Variants in DCAF1 observed in about 807,000 individuals in gnomAD.
The protein encoded by DCAF1 is DDB1- and CUL4-associated factor 1.
Under a neutral mutation model 128.0 loss-of-function variants are expected in DCAF1, and 15 were observed. The ratio of observed to expected loss-of-function variants is 0.12; its 90% CI spans 0.08 to 0.18. DCAF1 has a LOEUF of 0.18. Ranked by LOEUF, DCAF1 falls within the 10% of genes least tolerant of loss-of-function variation. The pLI, the probability that DCAF1 is intolerant of heterozygous loss-of-function variation, is 1.00. For synonymous variants in DCAF1, 610 were observed against 603.0 expected (o/e 1.01, Z -0.17); for missense variants, 988 against 1,649.5 (o/e 0.60, Z 6.95).
At chr3:51,447,298 T>A (rs1701972790) in intron 6 of DCAF1, among the ~76,000 whole-genome samples, 1 of 151,784 alleles carries the variant, frequency 6.6e-6, no homozygotes, top group Admixed American at 6.6e-5. Context: ...TAGTTCCAAC[T>A]ATTCGGGAGG....
intron 23 of DCAF1, among the ~76,000 whole-genome samples, chr3:51,404,030 C>G (rs181282161): frequency 2.2e-4 from 33 of 152,280 alleles, no homozygotes; most frequent in Middle Eastern, 3.4e-3. Context: ...TCCATTCTTA[C>G]AAGAACTTGC....
At chr3:51,421,516 C>G (rs1699389860) in intron 14 of DCAF1, among the ~76,000 whole-genome samples, 1 of 152,192 alleles carries the variant, frequency 6.6e-6, no homozygotes, top group African/African-American at 2.4e-5. Flanking sequence ...CTCGGCCTCC[C>G]AAAGTTTTGG....
chr3:51,412,355 A>T, intron 23 of DCAF1, 24 bp downstream of exon 23: 1 of 1,613,648 alleles, frequency 6.2e-7, no homozygotes, highest in Non-Finnish European at 8.5e-7. Flanking sequence ...TGTTCAGCAG[A>T]AAGAAATCTC....
At chr3:51,502,566 T>A (rs947063581), upstream of DCAF1, among the ~76,000 whole-genome samples, 13 of 151,274 alleles carry the variant, frequency 8.6e-5, no homozygotes, top group East Asian at 1.9e-4. Flanking sequence ...CAAAAAAAAA[T>A]TTTTTTTTAA....
intron 23 of DCAF1, among the ~76,000 whole-genome samples, chr3:51,409,256 T>C (rs975152573): frequency 6.6e-6 from 1 of 152,224 alleles, no homozygotes; most frequent in Non-Finnish European, 1.5e-5. Context: ...TATTCCCTTA[T>C]GGTGGCCTCT....
chr3:51,475,564 A>C (rs1705329834), intron 3 of DCAF1, among the ~76,000 whole-genome samples: 1 of 152,080 alleles, frequency 6.6e-6, no homozygotes, highest in African/African-American at 2.4e-5. Context: ...GCTATGATAA[A>C]ACTGCTGCAC....
intron 5 of DCAF1, among the ~76,000 whole-genome samples, chr3:51,465,189 G>A (rs1352359916): frequency 6.6e-6 from 1 of 152,204 alleles, no homozygotes; most frequent in Admixed American, 6.6e-5. Context: ...AGTTTAAGGT[G>A]AAGGGAGTAA....
chr3:51,458,568 C>T (rs1455107386), intron 6 of DCAF1, among the ~76,000 whole-genome samples: 1 of 152,152 alleles, frequency 6.6e-6, no homozygotes, highest in South Asian at 2.1e-4. Context: ...GCGGACCTAA[C>T]AGACATCTAC....
At chr3:51,492,133 T>C (rs1707726874) in intron 2 of DCAF1, among the ~76,000 whole-genome samples, 2 of 145,142 alleles carry the variant, frequency 1.4e-5, no homozygotes, top group Non-Finnish European at 3.0e-5. Context: ...CACTCTAGCC[T>C]GGTGACAGAG....
chr3:51,402,464 G>A (rs1553625182), intron 24 of DCAF1, among the ~76,000 whole-genome samples: 1 of 150,824 alleles, frequency 6.6e-6, no homozygotes, highest in African/African-American at 2.4e-5. Context: ...AGTTTTATTA[G>A]AACACAGCCA....
chr3:51,418,098 C>T lies in DCAF1; in HGVS notation c.3518+18G>A, dbSNP rs1553631037. ...AGGTAAATAAAGCACAGACTAGGTTCCAAAAGCAGATACATACTTCATATC... is the reference window on the plus strand; with the variant it reads ...AGGTAAATAAAGCACAGACTAGGTTTCAAAAGCAGATACATACTTCATATC... On this transcript the variant is annotated intron_variant, in intron 17 of 24. Transcript: ENST00000684031. The T allele has an allele frequency of 3.1e-6, 5 of 1,605,196 alleles. No individual in the cohort carries two copies. In the South Asian group the frequency reaches 5.6e-5, roughly 18 times the overall value.
At chr3:51,431,958 A>G (rs1700423690) in intron 10 of DCAF1, among the ~76,000 whole-genome samples, 1 of 151,782 alleles carries the variant, frequency 6.6e-6, no homozygotes, top group South Asian at 2.1e-4. Context: ...AGCCTGGACA[A>G]CAGAGCGAGA....
chr3:51,478,371 T>C (rs1705739173), intron 3 of DCAF1, among the ~76,000 whole-genome samples: 1 of 152,146 alleles, frequency 6.6e-6, no homozygotes, highest in Non-Finnish European at 1.5e-5. Context: ...ATTTTAGGCT[T>C]TGCATGGCTG....
At chr3:51,443,662 C>T (rs181032622) in intron 7 of DCAF1, 104 bp downstream of exon 7, 70 of 983,806 alleles carry the variant, frequency 7.1e-5, no homozygotes, top group Non-Finnish European at 9.4e-5. Flanking sequence ...AGCCATGCTC[C>T]AGTACAAGAT....
At chr3:51,425,227 T>C (rs1699795275) in intron 13 of DCAF1, among the ~76,000 whole-genome samples, 1 of 152,104 alleles carries the variant, frequency 6.6e-6, no homozygotes, top group Admixed American at 6.6e-5. Flanking sequence ...TCCCAGCACA[T>C]TGAGAGGCTG....
intron 2 of DCAF1, among the ~76,000 whole-genome samples, chr3:51,495,364 A>T (rs1708118941): frequency 7.3e-6 from 1 of 136,346 alleles, no homozygotes; most frequent in Non-Finnish European, 1.6e-5. Context: ...AAAAAATATA[A>T]AGGCAAGGCG....
intron 23 of DCAF1, among the ~76,000 whole-genome samples, chr3:51,406,170 C>T (rs549289486): frequency 1.3e-5 from 2 of 151,726 alleles, no homozygotes; most frequent in African/African-American, 2.4e-5. Flanking sequence ...AGTGAAACCC[C>T]GTCTCTATTA....
rs782284932 is a variant in DCAF1, at chr3:51,412,472, G to C, written c.4119C>G (p.Gly1373=). The change falls in exon 23 of 25, where the codon GGC becomes GGG. Residue 1373 remains glycine, a synonymous_variant. Transcript: ENST00000684031. The part of the protein sequence containing the change: ...DCYLAVIENQ[G]SMDALNMDTV... ...TGTCCATGTTCAGGGCATCCATGCT[G>C]CCTTGATTCTGAAATAGAACATCCA... The C allele has an allele frequency of 6.8e-6, 11 of 1,613,784 alleles. No homozygotes were observed. In the South Asian group the frequency reaches 1.2e-4, roughly 18 times the overall value.
At chr3:51,481,286 G>C (rs1001238388) in intron 3 of DCAF1, among the ~76,000 whole-genome samples, 2 of 152,150 alleles carry the variant, frequency 1.3e-5, no homozygotes, top group Admixed American at 1.3e-4. Context: ...AATCCTATTT[G>C]TGTATGAGAA....
Sources: gnomAD v4.1 joint callset for allele counts (sites outside exome capture counted in the v4.1 genomes callset) on GRCh38, gnomAD v4.1.1 for gene constraint, MANE v1.5 for transcripts, NCBI Gene and HGNC (gene_info 2026-07-23, HGNC 2026-07-21) for gene names.